MAP3K13: variants seen among roughly 807,000 people sequenced by gnomAD.
MAP3K13 encodes leucine zipper-bearing kinase.
A neutral mutation model predicts 104.0 loss-of-function variants in MAP3K13; 52 were observed. That is an observed-to-expected ratio of 0.50 (90% CI 0.40 to 0.63). The LOEUF (loss-of-function observed/expected upper bound fraction) is 0.63, where lower values mean the gene tolerates loss of function less well. MAP3K13 is among the 20% of genes least tolerant of loss of function. MAP3K13 has a pLI of 0.00. For missense variants in MAP3K13, 914 were observed against 1,218.5 expected (o/e 0.75, Z 3.72); for synonymous variants, 394 against 442.2 (o/e 0.89, Z 1.37).
In MAP3K13 at chr3:185,437,533, C is replaced by T; in HGVS notation, c.562C>T (p.Arg188Trp). ...AQGAVFLGKF[R>W]AEEVAIKKVR... is the part of the protein sequence containing the mutation. ...AGGAGCGGTCTTCTTGGGCAAGTTC[C>T]GGGCGGAAGAGGTGGCCATCAAGAA... The change falls in exon 3 of 14, where the codon CGG (arginine) becomes TGG (tryptophan). Residue 188 changes from arginine to tryptophan, a missense_variant. Physicochemically the swap from Arg to Trp is moderately radical, Grantham distance 101 (BLOSUM62 -3). Coordinates refer to ENST00000265026, the MANE Select transcript of MAP3K13 (RefSeq NM_004721.5). 6.2e-7 allele frequency: 1 copy of T among 1,613,846 alleles called. No individual in the cohort carries two copies. Among genetic ancestry groups the T allele is most frequent in the Non-Finnish European group, 8.5e-7 (1 of 1,179,948 alleles).
rs980340172 is a variant in MAP3K13 at position 185,485,367 on chromosome 3, C to T, written c.*2911C>T. 7 of 152,198 alleles carry T rather than the reference C, an allele frequency of 4.6e-5. No individual in the cohort carries two copies. Among genetic ancestry groups the T allele is most frequent in the Non-Finnish European group, 8.8e-5 (6 of 68,034 alleles). 9.4% of individuals were successfully genotyped at this position (152,198 alleles called of 1,614,324 possible). A position where few individuals can be genotyped will look rare whatever the true frequency, so the allele number is the denominator to read the frequency against. Reference sequence around the variant, plus strand: ...AATGGTATACAGTAGTCCCCTCTTACCCATGGCTTCATTTTCATGGTTTCA... The same window carrying T: ...AATGGTATACAGTAGTCCCCTCTTATCCATGGCTTCATTTTCATGGTTTCA... On this transcript the variant is annotated 3_prime_UTR_variant, in exon 14 of 14. Coordinates refer to ENST00000265026, the MANE Select transcript of MAP3K13 (RefSeq NM_004721.5).
chr3:185,434,638 C>T (rs1714922832), intron 2 of MAP3K13, among the ~76,000 whole-genome samples: 1 of 152,140 alleles, frequency 6.6e-6, no homozygotes, highest in Non-Finnish European at 1.5e-5. Context: ...TTAGACATCA[C>T]CTGCCATTTT....
intron 11 of MAP3K13, among the ~76,000 whole-genome samples, chr3:185,476,882 A>C (rs1718162581): frequency 6.6e-6 from 1 of 152,216 alleles, no homozygotes; most frequent in Admixed American, 6.5e-5. Context: ...AATATTAGTG[A>C]AAAAGGGATT....
At chr3:185,443,792 T>A in intron 4 of MAP3K13, 156 bp downstream of exon 4, 1 of 618,024 alleles carries the variant, frequency 1.6e-6, no homozygotes, top group South Asian at 2.2e-5. Context: ...TGGGTTATTG[T>A]TGACCTACCT....
chr3:185,331,200 T>C (rs1189501439), intron 2 of MAP3K13, among the ~76,000 whole-genome samples: 1 of 147,756 alleles, frequency 6.8e-6, no homozygotes, highest in Non-Finnish European at 1.5e-5. Context: ...TTCAAGCGAT[T>C]CTCCTGCCTC....
chr3:185,446,790 T>C (rs1290719991), intron 4 of MAP3K13, among the ~76,000 whole-genome samples: 1 of 152,270 alleles, frequency 6.6e-6, no homozygotes, highest in Non-Finnish European at 1.5e-5. Flanking sequence ...AACAGTGTTT[T>C]AAAAGAAGTA....
At chr3:185,458,784 A>T (rs773241103) in intron 7 of MAP3K13, among the ~76,000 whole-genome samples, 34 of 151,982 alleles carry the variant, frequency 2.2e-4, no homozygotes, top group Admixed American at 9.8e-4. Flanking sequence ...AGTCCAGCTG[A>T]CTCCTTCCTG....
intron 1 of MAP3K13, 69 bp from the exon 2 acceptor site, chr3:185,428,428 C>A: frequency 2.0e-6 from 2 of 999,752 alleles, no homozygotes; most frequent in South Asian, 2.5e-5. Flanking sequence ...TTTTTTAATG[C>A]AAACAGAAGT....
chr3:185,447,235 A>G (rs1416038314), intron 4 of MAP3K13, among the ~76,000 whole-genome samples: 1 of 152,140 alleles, frequency 6.6e-6, no homozygotes, highest in African/African-American at 2.4e-5. Context: ...TCATGCCTGT[A>G]ATCGCAGCAC....
chr3:185,305,942 G>C (rs1352931025), intron 2 of MAP3K13, among the ~76,000 whole-genome samples: 1 of 151,954 alleles, frequency 6.6e-6, no homozygotes, highest in Non-Finnish European at 1.5e-5. Context: ...TTCCTCTCCT[G>C]TCTGCTAGTC....
Position 185,465,821 on chromosome 3 carries a change from C to A in MAP3K13, c.1463C>A (p.Ala488Asp). The change falls in exon 9 of 14, where the codon GCC becomes GAC. Residue 488 changes from alanine to aspartate, a missense_variant. Coordinates refer to ENST00000265026, the MANE Select transcript of MAP3K13 (RefSeq NM_004721.5). The part of the protein sequence containing the change: ...RANNLYMELS[A>D]IMLQLEMREK... ...AATAATTTATACATGGAATTGAGTG[C>A]CATCATGCTGCAGCTAGAAATGCGG... 6.2e-7 allele frequency: 1 copy of A among 1,613,944 alleles called. No individual in the cohort carries two copies. Among genetic ancestry groups the A allele is most frequent in the Non-Finnish European group, 8.5e-7 (1 of 1,179,854 alleles).
At position 185,473,909 on chromosome 3, in the gene MAP3K13, C is replaced by T; in HGVS notation, c.2430+148C>T. On this transcript the variant is annotated intron_variant, in intron 11 of 13. Coordinates refer to ENST00000265026, the MANE Select transcript of MAP3K13 (RefSeq NM_004721.5). The surrounding 1 kb of genome is among the most constrained non-coding windows in gnomAD (Gnocchi z 4.9). ...GAAACATAAATAGAAATTTATTTTA[C>T]TTTAAATTCGTTCTTTCCACACTGT... The T allele has an allele frequency of 1.0e-6, 1 of 968,612 alleles. No homozygotes were observed. The highest frequency in any genetic ancestry group is 1.5e-6 in the Non-Finnish European group (1 of 674,836). The allele number at this position is 968,612 out of a possible 1,614,324, so 60.0% of individuals were successfully genotyped here. A position where few individuals can be genotyped will look rare whatever the true frequency, so the allele number is the denominator to read the frequency against.
intron 2 of MAP3K13, among the ~76,000 whole-genome samples, chr3:185,357,182 C>T (rs1290850139): frequency 2.6e-5 from 4 of 151,400 alleles, no homozygotes; most frequent in Non-Finnish European, 4.4e-5. Flanking sequence ...CAGTGGCTCA[C>T]GCCCGTAATC....
At chr3:185,477,565 G>A (rs576692318) in intron 12 of MAP3K13, among the ~76,000 whole-genome samples, 169 bp downstream of exon 12, 47 of 152,302 alleles carry the variant, frequency 3.1e-4, no homozygotes, top group African/African-American at 9.9e-4. Flanking sequence ...GCAGTTGTTC[G>A]TGCACAGCAG....
intron 2 of MAP3K13, among the ~76,000 whole-genome samples, chr3:185,332,070 T>A (rs1156671600): frequency 6.6e-6 from 1 of 152,208 alleles, no homozygotes; most frequent in Non-Finnish European, 1.5e-5. Flanking sequence ...CTTCCTATTG[T>A]AAACAATGCT....
chr3:185,299,017 C>T (rs1186877792), intron 2 of MAP3K13, among the ~76,000 whole-genome samples: 1 of 152,204 alleles, frequency 6.6e-6, no homozygotes. Context: ...ATTAATAACC[C>T]TTGGAATCAT....
At chr3:185,292,572 A>C (rs1720781621) in intron 2 of MAP3K13, 1 of 832,524 alleles carries the variant, frequency 1.2e-6, no homozygotes, top group Non-Finnish European at 1.4e-6. Flanking sequence ...TGTGAGGATC[A>C]AATGAAATAA....
intron 2 of MAP3K13, among the ~76,000 whole-genome samples, chr3:185,303,245 T>G (rs1206163843): frequency 6.6e-6 from 1 of 152,236 alleles, no homozygotes; most frequent in Non-Finnish European, 1.5e-5. Context: ...AATATTTTGT[T>G]CAGGATTTTT....
chr3:185,473,713 T>C lies in MAP3K13; in HGVS notation c.2382T>C (p.His794=), dbSNP rs774247019. 1 of 1,614,012 alleles carries C rather than the reference T, an allele frequency of 6.2e-7. No homozygotes were observed. Among genetic ancestry groups the C allele is most frequent in the Non-Finnish European group, 8.5e-7 (1 of 1,180,022 alleles). Residue 794 remains histidine (H), a synonymous_variant, in exon 11 of 14, where the codon CAT becomes CAC. Transcript: ENST00000265026. The surrounding 1 kb of genome is among the most constrained non-coding windows in gnomAD (Gnocchi z 4.9). ...CTGAGTCATCCCTCGGCACCTCTCA[T>C]CTCGGCACCCCTCCAGCGCTACCTC... ...CRSESSLGTS[H]LGTPPALPRK... is the part of the protein sequence containing the mutation.
Sources: allele counts gnomAD v4.1 joint callset (sites outside exome capture counted in the v4.1 genomes callset), GRCh38; gene constraint gnomAD v4.1.1; non-coding constraint Gnocchi (gnomAD v3.1); transcripts MANE v1.5; gene names NCBI Gene and HGNC (gene_info 2026-07-23, HGNC 2026-07-21).